The following LARGE1 variants were observed in gnomAD, a reference collection of about 807,000 sequenced individuals.
LARGE1 encodes xylosyl- and glucuronyltransferase LARGE1.
A neutral mutation model predicts 87.6 loss-of-function variants in LARGE1; 43 were observed. That is an observed-to-expected ratio of 0.49 (90% CI 0.38 to 0.63). The LOEUF is 0.63. LARGE1 is among the 30% of genes least tolerant of loss of function. The pLI, the probability that LARGE1 is intolerant of heterozygous loss-of-function variation, is 0.00. For missense variants in LARGE1, 802 were observed against 1,000.2 expected (o/e 0.80, Z 2.67); for synonymous variants, 434 against 394.6 (o/e 1.10, Z -1.18).
chr22:33,601,731 T>C (rs560926619), intron 5 of LARGE1, among the ~76,000 whole-genome samples: 6 of 152,322 alleles, frequency 3.9e-5, no homozygotes, highest in South Asian at 2.1e-4. Flanking sequence ...TCTTCGATAG[T>C]AGACATCGGG....
At chr22:33,823,260 CTG>C (rs1013800344) in intron 1 of LARGE1, among the ~76,000 whole-genome samples, 3 of 152,120 alleles carry the variant, frequency 2.0e-5, no homozygotes, top group African/African-American at 7.2e-5. Context: ...GGCTGTGTGT[CTG>C]TGTGTGTGTA....
intron 1 of LARGE1, among the ~76,000 whole-genome samples, chr22:33,796,766 GCT>G (rs1491102207): frequency 7.1e-6 from 1 of 140,514 alleles, no homozygotes; most frequent in Admixed American, 7.1e-5. Context: ...TAAGACTTGG[GCT>G]TTTTTTTTTT....
At chr22:33,353,399 CTTT>C (rs879900631) in intron 9 of LARGE1, among the ~76,000 whole-genome samples, 4 of 138,804 alleles carry the variant, frequency 2.9e-5, no homozygotes. Flanking sequence ...TTCTTTTTTT[CTTT>C]TTTTTTTTTT....
At chr22:33,203,317 G>A (rs1419066545) in intron 11 of LARGE1, among the ~76,000 whole-genome samples, 1 of 152,154 alleles carries the variant, frequency 6.6e-6, no homozygotes, top group African/African-American at 2.4e-5. Context: ...CTGCAAGACA[G>A]CCTCGTGCAG....
At chr22:33,666,316 T>C (rs550808280) in intron 2 of LARGE1, among the ~76,000 whole-genome samples, 13 of 152,246 alleles carry the variant, frequency 8.5e-5, no homozygotes, top group African/African-American at 3.1e-4. Context: ...AGGGCAAGCA[T>C]GGATGCAGAA....
the LARGE1 span, among the ~76,000 whole-genome samples, chr22:33,084,115 T>C: frequency 6.6e-6 from 1 of 152,214 alleles, no homozygotes; most frequent in African/African-American, 2.4e-5. Context: ...AAGTCATGTT[T>C]ATTTTTTCTT....
intron 1 of LARGE1, among the ~76,000 whole-genome samples, chr22:33,796,010 AG>A (rs2085970432): frequency 1.3e-5 from 2 of 151,118 alleles, no homozygotes; most frequent in Non-Finnish European, 1.5e-5. Flanking sequence ...AAAAAAAAAA[AG>A]AACATAGGCT....
At chr22:33,287,026 A>G (rs1931674633) in intron 12 of LARGE1, among the ~76,000 whole-genome samples, 1 of 152,214 alleles carries the variant, frequency 6.6e-6, no homozygotes, top group South Asian at 2.1e-4. Flanking sequence ...GAATAGAAAT[A>G]GAGACTGGGA....
At chr22:33,068,562 G>A in the LARGE1 span, among the ~76,000 whole-genome samples, 4 of 152,102 alleles carry the variant, frequency 2.6e-5, no homozygotes, top group Non-Finnish European at 4.4e-5. Flanking sequence ...GGAGAATGGC[G>A]TGGACCCAGG....
At chr22:33,694,028 A>C (rs2082174458) in intron 2 of LARGE1, among the ~76,000 whole-genome samples, 1 of 152,130 alleles carries the variant, frequency 6.6e-6, no homozygotes, top group African/African-American at 2.4e-5. Flanking sequence ...TTGAGGCCCA[A>C]TACAGTCCTG....
intron 3 of LARGE1, among the ~76,000 whole-genome samples, chr22:33,648,277 A>T (rs1416463953): frequency 1.3e-5 from 2 of 152,158 alleles, no homozygotes; most frequent in African/African-American, 4.8e-5. Context: ...GGGGAGTGAA[A>T]CTCTTGGCTA....
At chr22:33,538,553 T>A (rs1282927022) in intron 6 of LARGE1, among the ~76,000 whole-genome samples, 1 of 152,198 alleles carries the variant, frequency 6.6e-6, no homozygotes, top group Non-Finnish European at 1.5e-5. Context: ...CCACATTTTT[T>A]ATTTTGTTTC....
intron 11 of LARGE1, among the ~76,000 whole-genome samples, chr22:33,197,869 T>G (rs1924158933): frequency 6.6e-6 from 1 of 151,902 alleles, no homozygotes; most frequent in African/African-American, 2.4e-5. Context: ...CAAAATTGAC[T>G]ATAACTCTAT....
chr22:33,895,116 C>T (rs190097173), intron 1 of LARGE1, among the ~76,000 whole-genome samples: 27 of 152,204 alleles, frequency 1.8e-4, no homozygotes, highest in Non-Finnish European at 3.2e-4. Context: ...CAGAGGTGGG[C>T]AGAGTTGGCA....
chr22:33,905,361 G>A (rs1469491774), intron 1 of LARGE1, among the ~76,000 whole-genome samples: 5 of 152,072 alleles, frequency 3.3e-5, no homozygotes, highest in Non-Finnish European at 7.4e-5. Context: ...GAGCCACCAT[G>A]CCTGGGCCCT....
rs145017347 is a variant in LARGE1 at position 33,907,751 on chromosome 22, C to G, written c.-83+12244G>C. Reference sequence around the variant, plus strand: ...GTGGGACTACAGGCGCCCGCCACCACGCCCGGCTAATTTTTTTTTGTATTT... The same window carrying G: ...GTGGGACTACAGGCGCCCGCCACCAGGCCCGGCTAATTTTTTTTTGTATTT... On this transcript the variant is annotated intron_variant, in intron 1 of 14. Transcript: ENST00000397394. Among the ~76,000 whole-genome samples, 846 of 152,218 alleles carry G rather than the reference C, an allele frequency of 5.6e-3. 10 individuals carry two copies. The highest frequency in any genetic ancestry group is 0.02 in the African/African-American group (819 of 41,524).
At chr22:33,534,159 C>G (rs1226278545) in intron 6 of LARGE1, among the ~76,000 whole-genome samples, 1 of 151,756 alleles carries the variant, frequency 6.6e-6, no homozygotes, top group Non-Finnish European at 1.5e-5. Context: ...AATCCCAGCA[C>G]TTTGGGAGGC....
At chr22:33,077,442 G>A in the LARGE1 span, among the ~76,000 whole-genome samples, 1 of 152,112 alleles carries the variant, frequency 6.6e-6, no homozygotes, top group Admixed American at 6.6e-5. Context: ...ATCTAAATAA[G>A]ACGCCATTTT....
chr22:33,626,431 C>G, intron 3 of LARGE1, 105 bp from the exon 4 acceptor site: 1 of 855,402 alleles, frequency 1.2e-6, no homozygotes, highest in Non-Finnish European at 1.9e-6. Context: ...TTCTTGTTGG[C>G]ATCATTAGAA....
Sources: gnomAD v4.1 joint callset for allele counts (sites outside exome capture counted in the v4.1 genomes callset) on GRCh38, gnomAD v4.1.1 for gene constraint, MANE v1.5 for transcripts, NCBI Gene and HGNC (gene_info 2026-07-23, HGNC 2026-07-21) for gene names.